The following TGFBR2 variants were observed in gnomAD, a reference collection of about 807,000 sequenced individuals.
The protein encoded by TGFBR2 is transforming growth factor beta receptor 2.
A neutral mutation model predicts 49.0 loss-of-function variants in TGFBR2; 18 were observed. The observed-to-expected ratio is 0.37, with a 90% CI of 0.25 to 0.54. The LOEUF is 0.54. TGFBR2 is among the 20% of genes least tolerant of loss of function. The pLI, the probability that TGFBR2 is intolerant of heterozygous loss-of-function variation, is 0.85. For missense variants in TGFBR2, 525 were observed against 722.6 expected (o/e 0.73, Z 3.13); for synonymous variants, 282 against 275.9 (o/e 1.02, Z -0.22).
intron 1 of TGFBR2, among the ~76,000 whole-genome samples, chr3:30,620,493 T>G (rs1698209578): frequency 6.6e-6 from 1 of 152,112 alleles, no homozygotes; most frequent in African/African-American, 2.4e-5. Flanking sequence ...TCGTATGATC[T>G]GCTTTGTGTA....
Position 30,650,274 on chromosome 3 carries a change from A to C in TGFBR2, c.268A>C (p.Lys90Gln), listed in dbSNP as rs1698854756. ...CAATGAATCTCTTCACTCTAGGAGA[A>C]AGAATGACGAGAACATAACACTAGA... ...PQEVCVAVWR[K>Q]NDENITLETV... The change falls in exon 3 of 7, where the codon AAG (lysine) becomes CAG (glutamine). Residue 90 changes from lysine (K) to glutamine (Q), a missense_variant. Physicochemically the swap from Lys to Gln is moderately conservative, Grantham distance 53 (BLOSUM62 1). Transcript: ENST00000295754. The C allele has an allele frequency of 6.2e-7, 1 of 1,613,910 alleles. No individual in the cohort carries two copies. Among genetic ancestry groups the C allele is most frequent in the East Asian group, 2.2e-5 (1 of 44,872 alleles).
At chr3:30,632,283 C>T (rs1698452214) in intron 1 of TGFBR2, among the ~76,000 whole-genome samples, 1 of 152,130 alleles carries the variant, frequency 6.6e-6, no homozygotes, top group African/African-American at 2.4e-5. Flanking sequence ...TGTCTCAAAG[C>T]CAAAGTAGAT....
intron 6 of TGFBR2, among the ~76,000 whole-genome samples, chr3:30,689,288 G>T (rs1028061411): frequency 1.3e-5 from 2 of 152,208 alleles, no homozygotes; most frequent in Non-Finnish European, 1.5e-5. Context: ...TAGGTTGTGA[G>T]TGAGTCAGAA....
chr3:30,652,431 A>G (rs1698911960), intron 3 of TGFBR2, among the ~76,000 whole-genome samples: 1 of 151,542 alleles, frequency 6.6e-6, no homozygotes, highest in East Asian at 1.9e-4. Context: ...GACGAGTTTC[A>G]CCATGTTCGT....
At chr3:30,628,493 C>CAAA (rs5847642) in intron 1 of TGFBR2, among the ~76,000 whole-genome samples, 1 of 103,262 alleles carries the variant, frequency 9.7e-6, no homozygotes, top group Admixed American at 1.2e-4. Flanking sequence ...TTAAATCCTC[C>CAAA]AAAAAAAAAA....
chr3:30,619,924 A>T (rs1368206777), intron 1 of TGFBR2, among the ~76,000 whole-genome samples: 3 of 150,492 alleles, frequency 2.0e-5, no homozygotes, highest in African/African-American at 7.3e-5. Context: ...GTGGTGGCTT[A>T]TGCCTGTAAT....
At chr3:30,656,773 A>G (rs1200790986) in intron 3 of TGFBR2, among the ~76,000 whole-genome samples, 1 of 152,220 alleles carries the variant, frequency 6.6e-6, no homozygotes. Context: ...AAGGGATAGC[A>G]TTGGACCCAA....
At chr3:30,616,670 G>C (rs1268121948) in intron 1 of TGFBR2, among the ~76,000 whole-genome samples, 1 of 152,096 alleles carries the variant, frequency 6.6e-6, no homozygotes, top group Non-Finnish European at 1.5e-5. Context: ...CATTGAAGTT[G>C]AGTTAGAAAA....
chr3:30,690,963 G>A (rs745855081), intron 6 of TGFBR2, among the ~76,000 whole-genome samples: 20 of 152,206 alleles, frequency 1.3e-4, no homozygotes, highest in Admixed American at 3.3e-4. Flanking sequence ...TGTCAAGGTG[G>A]AGAAGGCTGT....
intron 1 of TGFBR2, among the ~76,000 whole-genome samples, chr3:30,626,036 A>T (rs571993738): frequency 2.1e-4 from 32 of 152,218 alleles, no homozygotes; most frequent in Non-Finnish European, 4.1e-4. Flanking sequence ...TGAGCCAAGC[A>T]CCTAGAAGTT....
intron 3 of TGFBR2, among the ~76,000 whole-genome samples, chr3:30,662,420 C>A (rs752358881): frequency 7.9e-5 from 12 of 152,100 alleles, no homozygotes; most frequent in Non-Finnish European, 1.8e-4. Context: ...GGAGACTGTG[C>A]CATGGGATAG....
At chr3:30,631,664 A>G (rs1009038502) in intron 1 of TGFBR2, among the ~76,000 whole-genome samples, 9 of 141,366 alleles carry the variant, frequency 6.4e-5, no homozygotes, top group African/African-American at 2.1e-4. Flanking sequence ...CTTGAAAAAC[A>G]TGAAGGGGGA....
At chr3:30,675,785 G>A (rs887165308) in intron 5 of TGFBR2, among the ~76,000 whole-genome samples, 3 of 152,180 alleles carry the variant, frequency 2.0e-5, no homozygotes, top group African/African-American at 4.8e-5. Context: ...AACTTTGCCT[G>A]TTGTTAATAT....
At chr3:30,631,621 C>CTTTT (rs71093918) in intron 1 of TGFBR2, among the ~76,000 whole-genome samples, 281 of 115,034 alleles carry the variant, frequency 2.4e-3, no homozygotes, top group Non-Finnish European at 3.7e-3. Context: ...CAACTTCTTT[C>CTTTT]TTTTTTTTTT....
chr3:30,679,485 A>G (rs931044050), intron 5 of TGFBR2, among the ~76,000 whole-genome samples: 9 of 152,338 alleles, frequency 5.9e-5, no homozygotes, highest in African/African-American at 2.2e-4. Flanking sequence ...TTCATTTCGC[A>G]CAAAATTCCA....
chr3:30,639,490 G>T (rs116788057), intron 1 of TGFBR2, among the ~76,000 whole-genome samples: 1 of 152,186 alleles, frequency 6.6e-6, no homozygotes, highest in Admixed American at 6.5e-5. Context: ...CAGGCTGCCA[G>T]TCTGCCCTAT....
rs1325437982 is a variant in TGFBR2, at chr3:30,611,493, T to C, written c.94+4516T>C. Among the ~76,000 whole-genome samples the C allele has an allele frequency of 2.0e-5, 3 of 152,160 alleles. No individual in the cohort carries two copies. The South Asian group carries it at 6.2e-4, about 32-fold the overall frequency. ...AGTTTTCATGCAATTCCTTTAGCCA[T>C]AAATTTTGAATCAGTGTAGGGCCTT... On this transcript the variant is annotated intron_variant, in intron 1 of 6. Coordinates refer to ENST00000295754, the MANE Select transcript of TGFBR2 (RefSeq NM_003242.6).
At chr3:30,684,026 C>G (rs1699579303) in intron 5 of TGFBR2, among the ~76,000 whole-genome samples, 1 of 152,190 alleles carries the variant, frequency 6.6e-6, no homozygotes, top group Admixed American at 6.5e-5. Context: ...CTGAGGGACA[C>G]TTAGAACTGA....
intron 3 of TGFBR2, among the ~76,000 whole-genome samples, chr3:30,665,029 G>C (rs1473867541): frequency 1.3e-5 from 2 of 152,202 alleles, no homozygotes; most frequent in Non-Finnish European, 2.9e-5. Flanking sequence ...GTGGATGACA[G>C]TTTTTCGCAC....
Sources: gnomAD v4.1 joint callset for allele counts (sites outside exome capture counted in the v4.1 genomes callset) on GRCh38, gnomAD v4.1.1 for gene constraint, MANE v1.5 for transcripts, NCBI Gene and HGNC (gene_info 2026-07-23, HGNC 2026-07-21) for gene names.